SUGCT: variants seen among roughly 807,000 people sequenced by gnomAD.
SUGCT encodes succinyl-CoA:glutarate CoA-transferase.
In SUGCT, 41 loss-of-function variants were observed where a neutral mutation model predicts 55.0. The observed-to-expected ratio is 0.74, with a 90% CI of 0.58 to 0.97. The LOEUF is 0.97. Among genes scored for constraint, SUGCT ranks in the 50% least tolerant of loss-of-function variants. The pLI, the probability that SUGCT is intolerant of heterozygous loss-of-function variation, is 0.00. For synonymous variants in SUGCT, 187 were observed against 200.4 expected, an observed-to-expected ratio of 0.93 and a Z score of 0.56; for missense variants, 568 against 547.8, an observed-to-expected ratio of 1.04 and a Z score of -0.37.
chr7:40,889,601 C>A, the SUGCT span, among the ~76,000 whole-genome samples: 4 of 152,080 alleles, frequency 2.6e-5, no homozygotes, highest in African/African-American at 9.7e-5. Context: ...ATTCTTATGC[C>A]CCAGGCTGAG....
intron 8 of SUGCT, among the ~76,000 whole-genome samples, chr7:40,298,968 TAC>T (rs1489169943): frequency 6.6e-6 from 1 of 152,188 alleles, no homozygotes; most frequent in Non-Finnish European, 1.5e-5. Flanking sequence ...AAATGTATGT[TAC>T]AGTCTTCTTT....
chr7:40,225,220 T>G (rs1159083492), intron 6 of SUGCT, among the ~76,000 whole-genome samples: 3 of 152,190 alleles, frequency 2.0e-5, no homozygotes, highest in Non-Finnish European at 2.9e-5. Context: ...ATGCTTTTGC[T>G]GCATCACAGG....
the SUGCT span, among the ~76,000 whole-genome samples, chr7:41,020,354 A>G: frequency 6.6e-6 from 1 of 152,242 alleles, no homozygotes; most frequent in Non-Finnish European, 1.5e-5. Flanking sequence ...TGGTAGCTAA[A>G]GTGAGGGATC....
At chr7:40,649,409 G>A (rs10260770) in intron 12 of SUGCT, among the ~76,000 whole-genome samples, 2 of 151,960 alleles carry the variant, frequency 1.3e-5, no homozygotes, top group African/African-American at 2.4e-5. Context: ...GATGGGGGGG[G>A]AAGGATTGAG....
intron 12 of SUGCT, among the ~76,000 whole-genome samples, chr7:40,498,446 T>C (rs1792103178): frequency 1.3e-5 from 2 of 152,184 alleles, no homozygotes; most frequent in African/African-American, 4.8e-5. Context: ...ATAATCAAGT[T>C]GCTCCTCTGC....
At chr7:40,646,581 T>C (rs1349752764) in intron 12 of SUGCT, among the ~76,000 whole-genome samples, 1 of 152,142 alleles carries the variant, frequency 6.6e-6, no homozygotes, top group East Asian at 1.9e-4. Context: ...TGCTTTCCTG[T>C]TCAGGACCTT....
intron 7 of SUGCT, among the ~76,000 whole-genome samples, chr7:40,251,051 G>A (rs1410084097): frequency 2.0e-5 from 3 of 151,818 alleles, no homozygotes; most frequent in South Asian, 2.1e-4. Flanking sequence ...GGCTGGTCTC[G>A]AACCCCTGAC....
At chr7:40,686,051 T>C (rs1443817358) in intron 12 of SUGCT, among the ~76,000 whole-genome samples, 2 of 152,232 alleles carry the variant, frequency 1.3e-5, no homozygotes, top group Non-Finnish European at 1.5e-5. Context: ...ACTCTCGTTC[T>C]CTGAATGAAA....
chr7:40,333,105 T>A (rs1007742751), intron 9 of SUGCT, among the ~76,000 whole-genome samples: 5 of 152,158 alleles, frequency 3.3e-5, no homozygotes, highest in African/African-American at 9.7e-5. Flanking sequence ...CCATTTTCCT[T>A]TCATAATCTT....
At chr7:40,948,532 T>A in the SUGCT span, among the ~76,000 whole-genome samples, 1 of 152,102 alleles carries the variant, frequency 6.6e-6, no homozygotes, top group African/African-American at 2.4e-5. Flanking sequence ...GGTATACACA[T>A]GCCATGGTGG....
At chr7:40,394,564 C>T (rs1785615670) in intron 9 of SUGCT, among the ~76,000 whole-genome samples, 1 of 152,070 alleles carries the variant, frequency 6.6e-6, no homozygotes, top group Admixed American at 6.6e-5. Context: ...GTTAATTAAC[C>T]TATGCATTAC....
chr7:40,807,724 T>TATATAA lies in SUGCT; in HGVS notation c.1154-52590_1154-52585dup, dbSNP rs539823088. ...GCACAGAACTAAGAGGATAGATGTA[T>TATATAA]ATATAAAGGGGAGTTTATAAGGTGT... On this transcript the variant is annotated intron_variant, in intron 13 of 13. Transcript: ENST00000335693. Among the ~76,000 whole-genome samples, 28 of 152,230 alleles carry TATATAA rather than the reference T, an allele frequency of 1.8e-4. No homozygotes were observed. The East Asian group carries it at 5.2e-3, about 28-fold the overall frequency.
chr7:40,181,683 T>C (rs1481236385), intron 2 of SUGCT, among the ~76,000 whole-genome samples: 1 of 151,762 alleles, frequency 6.6e-6, no homozygotes. Flanking sequence ...GAGGTGGAGC[T>C]TGCAGTGAGC....
chr7:40,766,805 T>C (rs1207660071), intron 13 of SUGCT, among the ~76,000 whole-genome samples: 1 of 152,222 alleles, frequency 6.6e-6, no homozygotes, highest in African/African-American at 2.4e-5. Flanking sequence ...TCACGTGACA[T>C]ATTTTGAAAT....
rs112035095 is a variant in SUGCT at position 40,650,484 on chromosome 7, T to C, written c.1090-98950T>C. Among the ~76,000 whole-genome samples the C allele has an allele frequency of 4.4e-3, 676 of 152,240 alleles. 4 individuals are homozygous for C. The highest frequency in any genetic ancestry group is 0.015 in the African/African-American group (615 of 41,548). On this transcript the variant is annotated intron_variant, in intron 12 of 13. Coordinates refer to ENST00000335693, the MANE Select transcript of SUGCT (RefSeq NM_001193313.2). ...GAGGAATCCAACACTAAAGGTTTGG[T>C]CCGCTCCCTGTGTATATGTTTTGTA...
intron 9 of SUGCT, among the ~76,000 whole-genome samples, chr7:40,442,122 C>A (rs566464967): frequency 6.6e-6 from 1 of 152,158 alleles, no homozygotes; most frequent in South Asian, 2.1e-4. Flanking sequence ...AATAGTAAAT[C>A]CTTATAGAAA....
intron 12 of SUGCT, among the ~76,000 whole-genome samples, chr7:40,613,209 C>G (rs1334065828): frequency 2.0e-5 from 3 of 152,140 alleles, no homozygotes; most frequent in Non-Finnish European, 4.4e-5. Flanking sequence ...ATGTGTGAAG[C>G]CTCTTACTTC....
At chr7:40,398,876 G>C (rs914338577) in intron 9 of SUGCT, among the ~76,000 whole-genome samples, 11 of 152,146 alleles carry the variant, frequency 7.2e-5, no homozygotes, top group Admixed American at 4.6e-4. Flanking sequence ...AAAAGTGATT[G>C]TATTGAGCCT....
Position 40,324,261 on chromosome 7 carries a change from A to ATATATATATT in SUGCT, c.816+7409_816+7410insATATATTTAT, listed in dbSNP as rs377215730. Among the ~76,000 whole-genome samples the ATATATATATT allele has an allele frequency of 2.0e-3, 195 of 99,948 alleles. 5 individuals carry two copies. Among genetic ancestry groups the ATATATATATT allele is most frequent in the African/African-American group, 7.0e-3 (177 of 25,162 alleles). 65.6% of individuals were successfully genotyped at this position (99,948 alleles called of 152,430 possible). Reference sequence around the variant, plus strand: ...AATAAATAAATAAATAAATATATATATATTTATTTTTTGAGACAGAGTCTT... The same window carrying ATATATATATT: ...AATAAATAAATAAATAAATATATATATATATATATTTATTTATTTTTTGAGACAGAGTCTT... On this transcript the variant is annotated intron_variant, in intron 9 of 13. Transcript: ENST00000335693.
Sources: gnomAD v4.1 joint callset for allele counts (sites outside exome capture counted in the v4.1 genomes callset) on GRCh38, gnomAD v4.1.1 for gene constraint, MANE v1.5 for transcripts, NCBI Gene and HGNC (gene_info 2026-07-23, HGNC 2026-07-21) for gene names.